Variants in ADAMTSL1 observed in about 807,000 individuals in gnomAD.
ADAMTSL1 encodes ADAMTS like 1, also known as ADAMTS-like protein 1.
A neutral mutation model predicts 201.8 loss-of-function variants in ADAMTSL1; 126 were observed. The ratio of observed to expected loss-of-function variants is 0.62; its 90% confidence interval spans 0.54 to 0.72. The LOEUF is 0.72. Ranked by LOEUF, ADAMTSL1 falls within the 30% of genes least tolerant of loss-of-function variation. ADAMTSL1 has a pLI of 0.00. For synonymous variants in ADAMTSL1, 1,121 were observed against 903.4 expected (o/e 1.24, Z -4.32); for missense variants, 2,679 against 2,277.8 (o/e 1.18, Z -3.59).
intron 2 of ADAMTSL1, among the ~76,000 whole-genome samples, chr9:18,239,618 C>G: frequency 6.6e-6 from 1 of 151,876 alleles, no homozygotes; most frequent in African/African-American, 2.4e-5. Context: ...CGTGGTGGTG[C>G]ATGTCTGTAA....
At chr9:18,652,678 T>A (rs1360700874) in intron 7 of ADAMTSL1, among the ~76,000 whole-genome samples, 1 of 152,210 alleles carries the variant, frequency 6.6e-6, no homozygotes, top group Non-Finnish European at 1.5e-5. Flanking sequence ...AAGGTAGGTG[T>A]GGGGAAGCTG....
intron 2 of ADAMTSL1, among the ~76,000 whole-genome samples, chr9:18,419,237 A>C (rs1021823292): frequency 6.6e-6 from 1 of 152,232 alleles, no homozygotes; most frequent in Non-Finnish European, 1.5e-5. Flanking sequence ...GTAAAACTAT[A>C]AAACTTTTCA....
chr9:18,015,939 A>T (rs865974672), intron 1 of ADAMTSL1, among the ~76,000 whole-genome samples: 4 of 152,068 alleles, frequency 2.6e-5, no homozygotes, highest in Non-Finnish European at 1.5e-5. Context: ...CTTGCTGAAC[A>T]TAATAAAGAT....
intron 20 of ADAMTSL1, among the ~76,000 whole-genome samples, chr9:18,813,259 C>T (rs1298954932): frequency 6.6e-6 from 1 of 152,144 alleles, no homozygotes; most frequent in African/African-American, 2.4e-5. Context: ...CCACCACACC[C>T]GGCCCCCAAC....
At chr9:18,807,715 G>C (rs944924077) in intron 20 of ADAMTSL1, among the ~76,000 whole-genome samples, 2 of 151,814 alleles carry the variant, frequency 1.3e-5, no homozygotes, top group Admixed American at 6.6e-5. Context: ...GCATTCAGTG[G>C]AGGGCTCAGT....
intron 2 of ADAMTSL1, among the ~76,000 whole-genome samples, chr9:18,234,017 G>A (rs903214696): frequency 3.9e-5 from 6 of 152,234 alleles, no homozygotes; most frequent in South Asian, 2.1e-4. Flanking sequence ...CAGAAGTGAA[G>A]TGAGAACGCC....
At chr9:18,323,754 T>C (rs1372096093) in intron 2 of ADAMTSL1, among the ~76,000 whole-genome samples, 1 of 152,146 alleles carries the variant, frequency 6.6e-6, no homozygotes, top group Non-Finnish European at 1.5e-5. Context: ...ATGAAATACA[T>C]AAGGGATACA....
intron 15 of ADAMTSL1, among the ~76,000 whole-genome samples, chr9:18,739,897 A>ATGTGTGTG (rs1277770563): frequency 1.6e-3 from 161 of 98,374 alleles, no homozygotes; most frequent in African/African-American, 5.9e-3. Context: ...CATGTCTACT[A>ATGTGTGTG]TCTGTGTGTG....
chr9:18,150,395 G>A (rs1029677339), intron 1 of ADAMTSL1, among the ~76,000 whole-genome samples: 7 of 152,070 alleles, frequency 4.6e-5, no homozygotes, highest in African/African-American at 1.7e-4. Flanking sequence ...CAGGTGAAAT[G>A]AAGACTGGAA....
chr9:18,465,164 TA>T (rs1397141508), intron 2 of ADAMTSL1, among the ~76,000 whole-genome samples: 2 of 152,174 alleles, frequency 1.3e-5, no homozygotes, highest in Non-Finnish European at 2.9e-5. Flanking sequence ...GCATAATGTT[TA>T]TTCACAGACT....
chr9:18,613,004 A>G (rs2132617082), intron 4 of ADAMTSL1, among the ~76,000 whole-genome samples: 1 of 152,334 alleles, frequency 6.6e-6, no homozygotes, highest in African/African-American at 2.4e-5. Flanking sequence ...ATAAGAAATT[A>G]AACAAATTTA....
At chr9:17,926,120 G>T (rs778714891) in intron 1 of ADAMTSL1, among the ~76,000 whole-genome samples, 1 of 152,114 alleles carries the variant, frequency 6.6e-6, no homozygotes, top group Non-Finnish European at 1.5e-5. Flanking sequence ...GGAAAGGAAA[G>T]AAGTTTTCTT....
intron 1 of ADAMTSL1, among the ~76,000 whole-genome samples, chr9:17,954,776 T>C (rs1417018063): frequency 1.3e-5 from 2 of 152,128 alleles, no homozygotes; most frequent in Non-Finnish European, 2.9e-5. Flanking sequence ...GGAAAAAAAA[T>C]TAAACACAGT....
intron 1 of ADAMTSL1, among the ~76,000 whole-genome samples, chr9:18,090,654 A>C: frequency 6.6e-6 from 1 of 152,206 alleles, no homozygotes; most frequent in Non-Finnish European, 1.5e-5. Context: ...AATGTGAAAA[A>C]GTTCTGGAGC....
chr9:17,988,006 T>G (rs776839187), intron 1 of ADAMTSL1, among the ~76,000 whole-genome samples: 11 of 152,126 alleles, frequency 7.2e-5, no homozygotes, highest in Non-Finnish European at 1.5e-4. Context: ...ATTAAAGTAG[T>G]AATTGCAAAA....
At chr9:18,810,084 G>A (rs1392054041) in intron 20 of ADAMTSL1, among the ~76,000 whole-genome samples, 1 of 152,168 alleles carries the variant, frequency 6.6e-6, no homozygotes, top group African/African-American at 2.4e-5. Flanking sequence ...GTAGGGAGGT[G>A]AGGTCATGTA....
chr9:18,678,723 A>G lies in ADAMTSL1; in HGVS notation c.1137-1589A>G, dbSNP rs554632527. ...AATGTACATTTAAAAACATATTCCT[A>G]CTTCACTGTCAGATCAAATCTAATG... On this transcript the variant is annotated intron_variant, in intron 10 of 28. Coordinates refer to ENST00000380548, the MANE Select transcript of ADAMTSL1 (RefSeq NM_001040272.6). Among the ~76,000 whole-genome samples, 133 of 152,190 alleles carry G rather than the reference A, an allele frequency of 8.7e-4. 2 individuals are homozygous for G. Among genetic ancestry groups the G allele is most frequent in the Admixed American group, 3.4e-3 (52 of 15,286 alleles).
At chr9:18,611,536 A>G (rs1477051244) in intron 4 of ADAMTSL1, among the ~76,000 whole-genome samples, 1 of 152,204 alleles carries the variant, frequency 6.6e-6, no homozygotes, top group African/African-American at 2.4e-5. Context: ...AATTTATGTA[A>G]GAATTTGTCC....
chr9:18,024,743 T>C (rs1361857805), intron 1 of ADAMTSL1, among the ~76,000 whole-genome samples: 2 of 152,114 alleles, frequency 1.3e-5, no homozygotes, highest in African/African-American at 4.8e-5. Flanking sequence ...ACGTGTGTCT[T>C]TTTTGGTAGA....
Sources: allele counts gnomAD v4.1 joint callset (sites outside exome capture counted in the v4.1 genomes callset), GRCh38; gene constraint gnomAD v4.1.1; transcripts MANE v1.5; gene names NCBI Gene and HGNC (gene_info 2026-07-23, HGNC 2026-07-21).